ROBO1: variants seen among roughly 807,000 people sequenced by gnomAD.
ROBO1 encodes the protein roundabout guidance receptor 1, also known as roundabout homolog 1.
Under a neutral mutation model 195.9 loss-of-function variants are expected in ROBO1, and 149 were observed. The ratio of observed to expected loss-of-function variants is 0.76; its 90% CI spans 0.67 to 0.87. The LOEUF (loss-of-function observed/expected upper bound fraction) is 0.87, where lower values mean the gene tolerates loss of function less well. ROBO1 is among the 40% of genes least tolerant of loss of function. ROBO1 has a pLI of 0.00. For synonymous variants in ROBO1, 816 were observed against 733.2 expected (o/e 1.11, Z -1.82); for missense variants, 1,933 against 2,068.3 (o/e 0.93, Z 1.27).
chr3:78,809,869 A>G (rs2084678960), intron 4 of ROBO1, among the ~76,000 whole-genome samples: 1 of 152,094 alleles, frequency 6.6e-6, no homozygotes, highest in South Asian at 2.1e-4. Context: ...GGATAGCATT[A>G]GGAGAAATAC....
At chr3:79,692,507 T>C (rs1947325329) in intron 1 of ROBO1, among the ~76,000 whole-genome samples, 2 of 151,946 alleles carry the variant, frequency 1.3e-5, no homozygotes, top group South Asian at 4.1e-4. Flanking sequence ...CTTGAAAGCA[T>C]TGATCCATTC....
intron 1 of ROBO1, among the ~76,000 whole-genome samples, chr3:79,675,279 C>T (rs1281876368): frequency 1.3e-5 from 2 of 151,830 alleles, no homozygotes; most frequent in African/African-American, 2.4e-5. Context: ...ATTTTATATA[C>T]TTATGATTGC....
intron 18 of ROBO1, among the ~76,000 whole-genome samples, chr3:78,654,711 A>G (rs1205508691): frequency 6.6e-6 from 1 of 152,186 alleles, no homozygotes; most frequent in Non-Finnish European, 1.5e-5. Flanking sequence ...TAAGATATGG[A>G]AAAATGGAAC....
At chr3:79,472,811 G>C (rs896973885) in intron 2 of ROBO1, among the ~76,000 whole-genome samples, 1 of 152,054 alleles carries the variant, frequency 6.6e-6, no homozygotes, top group Non-Finnish European at 1.5e-5. Context: ...ATTAAAAAAG[G>C]AATATTATAA....
chr3:78,946,430 T>C (rs1376191383), intron 3 of ROBO1, among the ~76,000 whole-genome samples: 2 of 152,126 alleles, frequency 1.3e-5, no homozygotes, highest in African/African-American at 2.4e-5. Flanking sequence ...CTAAGCTTCA[T>C]AAGTGAAGGA....
intron 1 of ROBO1, among the ~76,000 whole-genome samples, chr3:79,660,249 G>A (rs913170311): frequency 6.6e-6 from 1 of 151,742 alleles, no homozygotes; most frequent in Non-Finnish European, 1.5e-5. Flanking sequence ...AAGCCTAAGA[G>A]AGCTTTGGAA....
intron 2 of ROBO1, among the ~76,000 whole-genome samples, chr3:79,589,171 T>C (rs1245135029): frequency 6.6e-6 from 1 of 151,716 alleles, no homozygotes; most frequent in African/African-American, 2.4e-5. Flanking sequence ...ATATTTTCAT[T>C]AGTACATCAA....
chr3:79,518,345 T>C (rs1434122244), intron 2 of ROBO1, among the ~76,000 whole-genome samples: 1 of 152,074 alleles, frequency 6.6e-6, no homozygotes, highest in Admixed American at 6.5e-5. Context: ...AAGACAAATA[T>C]GATGGCCAAG....
intron 10 of ROBO1, chr3:78,670,622 T>A (rs1479446994): frequency 5.0e-6 from 1 of 200,250 alleles, no homozygotes; most frequent in African/African-American, 2.3e-5. Flanking sequence ...AATACTGTAC[T>A]TTTTAAACTC....
At chr3:79,217,330 G>A (rs1300924500) in intron 2 of ROBO1, among the ~76,000 whole-genome samples, 2 of 151,806 alleles carry the variant, frequency 1.3e-5, no homozygotes, top group African/African-American at 4.8e-5. Flanking sequence ...ATTAGACTTT[G>A]GTTTCAGATA....
At chr3:78,877,412 T>C (rs2035919726) in intron 4 of ROBO1, among the ~76,000 whole-genome samples, 1 of 151,826 alleles carries the variant, frequency 6.6e-6, no homozygotes, top group African/African-American at 2.4e-5. Context: ...TTCTCTGATA[T>C]GAAATAACAA....
chr3:79,554,053 G>C (rs1305218411), intron 2 of ROBO1, among the ~76,000 whole-genome samples: 1 of 151,966 alleles, frequency 6.6e-6, no homozygotes, highest in African/African-American at 2.4e-5. Flanking sequence ...AATAATGATG[G>C]TTATATGTCA....
At chr3:79,697,155 G>T (rs1947472460) in intron 1 of ROBO1, among the ~76,000 whole-genome samples, 1 of 151,378 alleles carries the variant, frequency 6.6e-6, no homozygotes, top group African/African-American at 2.4e-5. Context: ...GTGTTGGGAA[G>T]GCAGATGGAA....
intron 20 of ROBO1, 86 bp from the exon 21 acceptor site, chr3:78,646,276 A>G: frequency 2.4e-6 from 3 of 1,243,980 alleles, no homozygotes; most frequent in Non-Finnish European, 3.5e-6. Flanking sequence ...TCTTTCTAAA[A>G]TGGAATTCCT....
chr3:78,896,603 T>C (rs933219664), intron 4 of ROBO1, among the ~76,000 whole-genome samples: 1 of 145,440 alleles, frequency 6.9e-6, no homozygotes, highest in Admixed American at 7.2e-5. Context: ...TTGCTGACTC[T>C]CTTTTCGGAC....
At chr3:78,797,370 T>C (rs1017488167) in intron 4 of ROBO1, among the ~76,000 whole-genome samples, 20 of 152,316 alleles carry the variant, frequency 1.3e-4, no homozygotes, top group African/African-American at 4.8e-4. Context: ...TCCTCCTTTA[T>C]CTTCATGTTA....
At chr3:79,276,208 C>G (rs893258959) in intron 2 of ROBO1, among the ~76,000 whole-genome samples, 4 of 151,952 alleles carry the variant, frequency 2.6e-5, no homozygotes, top group Non-Finnish European at 5.9e-5. Context: ...AATCACACTA[C>G]TTCACTTCAA....
intron 1 of ROBO1, among the ~76,000 whole-genome samples, chr3:79,759,847 C>T (rs1321561696): frequency 6.6e-6 from 1 of 152,032 alleles, no homozygotes; most frequent in Non-Finnish European, 1.5e-5. Context: ...CAGTGCTAGC[C>T]CACCCACATA....
chr3:79,068,635 A>G (rs115681820), intron 3 of ROBO1, among the ~76,000 whole-genome samples: 66 of 151,730 alleles, frequency 4.3e-4, no homozygotes, highest in African/African-American at 1.6e-3. Flanking sequence ...CTTTATCTCA[A>G]ATTCTCCATT....
Sources: allele counts gnomAD v4.1 joint callset (sites outside exome capture counted in the v4.1 genomes callset), GRCh38; gene constraint gnomAD v4.1.1; transcripts MANE v1.5; gene names NCBI Gene and HGNC (gene_info 2026-07-23, HGNC 2026-07-21).